The following B4GALT6 variants were observed in gnomAD, a reference collection of about 807,000 sequenced individuals.
B4GALT6 encodes beta-1,4-galactosyltransferase 6, also known as UDP-Gal:beta-GlcNAc beta-1,4-galactosyltransferase 6.
B4GALT6 carries 14 observed loss-of-function variants against 46.3 expected under a neutral mutation model. That is an observed-to-expected ratio of 0.30 (90% CI 0.20 to 0.47). The LOEUF (loss-of-function observed/expected upper bound fraction) is 0.47, where lower values mean the gene tolerates loss of function less well. Ranked by LOEUF, B4GALT6 falls within the 20% of genes least tolerant of loss-of-function variation. The probability of loss-of-function intolerance (pLI) is 0.99; values close to 1 mark genes in which losing one functional copy is unlikely to be tolerated. For synonymous variants in B4GALT6, 168 were observed against 162.0 expected, an observed-to-expected ratio of 1.04 and a Z score of -0.28; for missense variants, 386 against 480.1, an observed-to-expected ratio of 0.80 and a Z score of 1.83.
At chr18:31,650,585 T>C (rs2074052584) in intron 3 of B4GALT6, among the ~76,000 whole-genome samples, 1 of 152,230 alleles carries the variant, frequency 6.6e-6, no homozygotes, top group Non-Finnish European at 1.5e-5. Context: ...CTGAGCCTTG[T>C]TCTGGCTGCT....
the B4GALT6 span, among the ~76,000 whole-genome samples, chr18:31,721,761 C>G: frequency 1.8e-4 from 28 of 152,218 alleles, 1 homozygote; most frequent in Non-Finnish European, 1.5e-5. Flanking sequence ...AGACTCAAGA[C>G]TACAACAATA....
chr18:31,687,071 C>G (rs560501380), upstream of B4GALT6, among the ~76,000 whole-genome samples: 8 of 152,330 alleles, frequency 5.3e-5, no homozygotes, highest in South Asian at 1.5e-3. Context: ...GGTTTCTCCC[C>G]TAATTTTAAC....
intron 5 of B4GALT6, among the ~76,000 whole-genome samples, chr18:31,635,280 C>T (rs939553109): frequency 1.3e-5 from 2 of 151,776 alleles, no homozygotes; most frequent in East Asian, 3.9e-4. Flanking sequence ...GCTCTCTCAC[C>T]TCTCCACACA....
chr18:31,657,658 T>G (rs1268062413), intron 3 of B4GALT6, among the ~76,000 whole-genome samples: 1 of 152,214 alleles, frequency 6.6e-6, no homozygotes, highest in African/African-American at 2.4e-5. Context: ...ACACATTAAT[T>G]GCTCTCTTAA....
At chr18:31,628,591 T>C (rs1468350802) in intron 6 of B4GALT6, among the ~76,000 whole-genome samples, 1 of 152,192 alleles carries the variant, frequency 6.6e-6, no homozygotes, top group African/African-American at 2.4e-5. Flanking sequence ...GCAGTGTTTA[T>C]CTTACACTGT....
chr18:31,663,229 T>C (rs1273531725), intron 2 of B4GALT6, among the ~76,000 whole-genome samples: 3 of 152,178 alleles, frequency 2.0e-5, no homozygotes, highest in Non-Finnish European at 2.9e-5. Context: ...AACAGCAGCT[T>C]AAAACAGGTG....
chr18:31,712,910 A>G, the B4GALT6 span, among the ~76,000 whole-genome samples: 2 of 152,224 alleles, frequency 1.3e-5, no homozygotes, highest in Admixed American at 1.3e-4. Flanking sequence ...ATTAACCCAG[A>G]AATCATATAA....
chr18:31,672,172 C>T (rs556292008), intron 1 of B4GALT6, among the ~76,000 whole-genome samples: 3 of 152,288 alleles, frequency 2.0e-5, no homozygotes, highest in Admixed American at 6.5e-5. Context: ...AGGACACCAA[C>T]GCAGCATCCC....
the B4GALT6 span, among the ~76,000 whole-genome samples, chr18:31,705,488 A>C: frequency 1.3e-5 from 2 of 152,192 alleles, no homozygotes; most frequent in Non-Finnish European, 2.9e-5. Flanking sequence ...TCCTGGGTCC[A>C]AGCGATTCTC....
At chr18:31,684,821 G>T (rs1206826263), upstream of B4GALT6, 28 of 989,856 alleles carry the variant, frequency 2.8e-5, no homozygotes, top group Non-Finnish European at 3.3e-5. Flanking sequence ...CGCCCCTGCG[G>T]AGAGGGGCAG....
In B4GALT6 at chr18:31,645,598, C is replaced by T; in HGVS notation, c.347-119G>A. The stretch of plus-strand genomic sequence containing the variant: ...AGTTGCCAGGACAATACAGTTTACT[C>T]CTGTTACCACCACAAAATTATGAAT... On this transcript the variant is annotated intron_variant, in intron 3 of 8. Transcript: ENST00000306851. The T allele has an allele frequency of 3.3e-6, 3 of 901,808 alleles. No homozygotes were observed. The South Asian group carries it at 5.7e-5, about 17-fold the overall frequency. The allele number at this position is 901,808 out of a possible 1,614,324, so 55.9% of individuals were successfully genotyped here.
At chr18:31,724,112 G>A in the B4GALT6 span, 564 of 286,356 alleles carry the variant, frequency 2.0e-3, 3 homozygotes, top group African/African-American at 0.012. Context: ...CCCTGGTGAC[G>A]CGGAGCGGAT....
chr18:31,623,984 A>C lies in B4GALT6; in HGVS notation c.*1630T>G, dbSNP rs1015207786. On this transcript the variant is annotated 3_prime_UTR_variant, in exon 9 of 9. Coordinates refer to ENST00000306851, the MANE Select transcript of B4GALT6 (RefSeq NM_004775.5). ...TTGAACATTCACTTTATAGATATTT[A>C]ATTTTTTGTTTAAAATTTGTGAAAA... The C allele has an allele frequency of 6.6e-6, 1 of 152,070 alleles. No individual in the cohort carries two copies. The highest frequency in any genetic ancestry group is 1.5e-5 in the Non-Finnish European group (1 of 67,890). The allele number at this position is 152,070 out of a possible 1,614,324, so 9.4% of individuals were successfully genotyped here. A position where few individuals can be genotyped will look rare whatever the true frequency, so the allele number is the denominator to read the frequency against.
chr18:31,689,221 C>T (rs1243527775), upstream of B4GALT6, among the ~76,000 whole-genome samples: 1 of 152,166 alleles, frequency 6.6e-6, no homozygotes, highest in Non-Finnish European at 1.5e-5. Flanking sequence ...GGAACCTGAG[C>T]TGCCAAACAA....
chr18:31,678,835 G>A (rs2074447115), intron 1 of B4GALT6, among the ~76,000 whole-genome samples: 1 of 152,218 alleles, frequency 6.6e-6, no homozygotes, highest in African/African-American at 2.4e-5. Flanking sequence ...GGGGGCAAAC[G>A]CAAGGGCTCT....
intron 3 of B4GALT6, 31 bp downstream of exon 3, chr18:31,657,945 A>G: frequency 7.1e-6 from 11 of 1,543,130 alleles, no homozygotes; most frequent in Non-Finnish European, 9.8e-6. Flanking sequence ...ACACAAGTAA[A>G]CAGTTAAGTC....
At chr18:31,689,299 A>G (rs2030030228), upstream of B4GALT6, among the ~76,000 whole-genome samples, 1 of 152,180 alleles carries the variant, frequency 6.6e-6, no homozygotes, top group Non-Finnish European at 1.5e-5. Flanking sequence ...GCCCAACAGA[A>G]ATGAGAATTT....
chr18:31,699,091 A>G, the B4GALT6 span, among the ~76,000 whole-genome samples: 4 of 151,788 alleles, frequency 2.6e-5, no homozygotes, highest in East Asian at 1.9e-4. Context: ...AAAAAAAAAA[A>G]AAAGAAAGAA....
At chr18:31,641,815 G>A (rs1197749081) in intron 4 of B4GALT6, among the ~76,000 whole-genome samples, 3 of 151,964 alleles carry the variant, frequency 2.0e-5, no homozygotes, top group Non-Finnish European at 4.4e-5. Context: ...TTTTTCCCTT[G>A]CTTATTTTCT....
Sources: allele counts gnomAD v4.1 joint callset (sites outside exome capture counted in the v4.1 genomes callset), GRCh38; gene constraint gnomAD v4.1.1; transcripts MANE v1.5; gene names NCBI Gene and HGNC (gene_info 2026-07-23, HGNC 2026-07-21).